FRMPD4: variants seen among roughly 807,000 people sequenced by gnomAD.
FRMPD4 encodes FERM and PDZ domain containing 4.
A neutral mutation model predicts 94.1 loss-of-function variants in FRMPD4; 22 were observed. That is an observed-to-expected ratio of 0.23 (90% CI 0.17 to 0.33). The LOEUF (loss-of-function observed/expected upper bound fraction) is 0.33, where lower values mean the gene tolerates loss of function less well. FRMPD4 is among the 10% of genes least tolerant of loss of function. The pLI is 1.00. For synonymous variants in FRMPD4, 631 were observed against 548.6 expected, an observed-to-expected ratio of 1.15 and a Z score of -2.10; for missense variants, 1,111 against 1,339.9, an observed-to-expected ratio of 0.83 and a Z score of 2.67.
At chrX:12,686,633 G>A (rs1480966840) in intron 7 of FRMPD4, among the ~76,000 whole-genome samples, 1 of 111,866 alleles carries the variant, frequency 8.9e-6, no homozygotes, top group African/African-American at 3.2e-5. Flanking sequence ...CAAAAAACAA[G>A]GGGTAGAGTA....
At chrX:12,189,901 G>A (rs1337426038) in intron 1 of FRMPD4, among the ~76,000 whole-genome samples, 3 of 111,212 alleles carry the variant, frequency 2.7e-5, no homozygotes, top group African/African-American at 6.5e-5. Flanking sequence ...GAAAGAAAAG[G>A]TATACAAATT....
At chrX:12,161,539 A>G (rs1423673696) in intron 1 of FRMPD4, among the ~76,000 whole-genome samples, 1 of 111,767 alleles carries the variant, frequency 8.9e-6, no homozygotes, top group Non-Finnish European at 1.9e-5. Flanking sequence ...GATAGGTTCT[A>G]TTGTTATTCC....
chrX:12,463,696 T>TG (rs1431599156), intron 1 of FRMPD4, among the ~76,000 whole-genome samples: 1 of 95,558 alleles, frequency 1.0e-5, no homozygotes, highest in Non-Finnish European at 2.1e-5. Flanking sequence ...TTTTTTGTTT[T>TG]TGTTTTTTTT....
At chrX:12,096,977 AG>A (rs2055211456) in intron 3 of FRMPD4, among the ~76,000 whole-genome samples, 1 of 111,997 alleles carries the variant, frequency 8.9e-6, no homozygotes, top group Non-Finnish European at 1.9e-5. Flanking sequence ...CCAAAAAAAA[AG>A]TGAAAGGAAT....
intron 1 of FRMPD4, among the ~76,000 whole-genome samples, chrX:11,863,447 A>C (rs1418426922): frequency 9.0e-6 from 1 of 111,168 alleles, no homozygotes; most frequent in Non-Finnish European, 1.9e-5. Context: ...TTTTATTTAC[A>C]TTGCATGAAT....
At chrX:12,159,986 C>T (rs968310741) in intron 1 of FRMPD4, among the ~76,000 whole-genome samples, 6 of 110,570 alleles carry the variant, frequency 5.4e-5, no homozygotes, top group African/African-American at 2.0e-4. Flanking sequence ...TCTAAACCTC[C>T]GAGGGGAAGT....
intron 3 of FRMPD4, among the ~76,000 whole-genome samples, chrX:11,978,813 C>A (rs1429613236): frequency 9.0e-6 from 1 of 111,468 alleles, no homozygotes; most frequent in Non-Finnish European, 1.9e-5. Context: ...GCTTTTTCAG[C>A]GTTTTCAGAA....
intron 1 of FRMPD4, among the ~76,000 whole-genome samples, chrX:12,316,252 T>G (rs1007370098): frequency 3.6e-5 from 4 of 111,531 alleles, no homozygotes; most frequent in African/African-American, 1.3e-4. Context: ...GTTCAAGCTA[T>G]TCTCCTGCCT....
At chrX:12,563,239 TACACACACAC>T (rs369700317) in intron 2 of FRMPD4, among the ~76,000 whole-genome samples, 6 of 97,247 alleles carry the variant, frequency 6.2e-5, no homozygotes, top group Admixed American at 1.1e-4. Context: ...TGTAAGTGTG[TACACACACAC>T]ACACACACAC....
chrX:11,914,299 T>TC (rs1025523073), intron 3 of FRMPD4, among the ~76,000 whole-genome samples: 1 of 107,387 alleles, frequency 9.3e-6, no homozygotes, highest in Non-Finnish European at 1.9e-5. Flanking sequence ...TTCTTTTTTT[T>TC]TTTTTTTTGA....
At chrX:12,409,369 A>G (rs763349230) in intron 1 of FRMPD4, among the ~76,000 whole-genome samples, 2 of 111,446 alleles carry the variant, frequency 1.8e-5, no homozygotes, top group African/African-American at 6.5e-5. Flanking sequence ...CATTTATTCT[A>G]GCTAAAAGGG....
chrX:12,679,829 C>T lies in FRMPD4; in HGVS notation c.469-3654C>T, dbSNP rs759476729. 5.4e-5 allele frequency among the ~76,000 whole-genome samples: 6 copies of T among 111,343 alleles called. No individual in the cohort carries two copies. The South Asian group carries it at 1.6e-3, about 29-fold the overall frequency. On this transcript the variant is annotated intron_variant, in intron 5 of 16. Coordinates refer to ENST00000675598, the MANE Select transcript of FRMPD4 (RefSeq NM_001368397.1). Reference sequence around the variant, plus strand: ...GCCTATAATGGTGCCTTAGTAACAGCGAATGCTTTACTGGTTTATTCTCCC... The same window carrying T: ...GCCTATAATGGTGCCTTAGTAACAGTGAATGCTTTACTGGTTTATTCTCCC...
chrX:12,469,077 C>T (rs1233340752), intron 1 of FRMPD4, among the ~76,000 whole-genome samples: 2 of 111,889 alleles, frequency 1.8e-5, no homozygotes, highest in East Asian at 5.6e-4. Context: ...TCTTTTCCAC[C>T]TTAAAATGAA....
chrX:12,227,451 G>A (rs1230901321), intron 1 of FRMPD4, among the ~76,000 whole-genome samples: 1 of 111,554 alleles, frequency 9.0e-6, no homozygotes, highest in South Asian at 3.8e-4. Flanking sequence ...ATAAAAAACG[G>A]TGGGCCTCTA....
At chrX:12,478,297 G>A (rs932600996) in intron 1 of FRMPD4, among the ~76,000 whole-genome samples, 2 of 111,763 alleles carry the variant, frequency 1.8e-5, no homozygotes, top group African/African-American at 3.2e-5. Flanking sequence ...AGAGTAGGCC[G>A]GGCGTGGTGG....
At chrX:12,008,314 A>G (rs1489916102) in intron 3 of FRMPD4, among the ~76,000 whole-genome samples, 3 of 111,798 alleles carry the variant, frequency 2.7e-5, no homozygotes, top group Admixed American at 9.5e-5. Flanking sequence ...ACCAGTATTC[A>G]ACCCCAGGGG....
intron 3 of FRMPD4, among the ~76,000 whole-genome samples, chrX:12,067,432 T>TG (rs371167211): frequency 6.3e-4 from 70 of 110,553 alleles, no homozygotes; most frequent in African/African-American, 2.0e-3. Context: ...TTTTTGTTTT[T>TG]TTTTGAGAGG....
chrX:12,342,082 A>G (rs891359651), intron 1 of FRMPD4, among the ~76,000 whole-genome samples: 1 of 112,192 alleles, frequency 8.9e-6, no homozygotes, highest in Non-Finnish European at 1.9e-5. Context: ...CTATGCTCTA[A>G]CTACTAAAGC....
At chrX:11,962,832 A>G (rs5935208) in intron 3 of FRMPD4, among the ~76,000 whole-genome samples, 1,339 of 111,897 alleles carry the variant, frequency 0.012, 5 homozygotes, top group Non-Finnish European at 0.016. Context: ...GTTTTTAGCT[A>G]AATAACAATA....
Sources: gnomAD v4.1 joint callset for allele counts (sites outside exome capture counted in the v4.1 genomes callset) on GRCh38, gnomAD v4.1.1 for gene constraint, MANE v1.5 for transcripts, NCBI Gene and HGNC (gene_info 2026-07-23, HGNC 2026-07-21) for gene names.